Variants in GATA4 observed in about 807,000 individuals in gnomAD.
GATA4 encodes the protein GATA binding protein 4.
Under a neutral mutation model 37.9 loss-of-function variants are expected in GATA4, and 7 were observed. The ratio of observed to expected loss-of-function variants is 0.18; its 90% CI spans 0.11 to 0.35. The LOEUF (loss-of-function observed/expected upper bound fraction) is 0.35. Ranked by LOEUF, GATA4 falls within the 10% of genes least tolerant of loss-of-function variation. The pLI is 1.00. For synonymous variants in GATA4, 372 were observed against 292.6 expected, an observed-to-expected ratio of 1.27 and a Z score of -2.77; for missense variants, 647 against 653.0, an observed-to-expected ratio of 0.99 and a Z score of 0.10.
intron 2 of GATA4, 98 bp from the exon 3 acceptor site, chr8:11,748,818 C>T (rs1409689424): frequency 2.2e-6 from 3 of 1,377,194 alleles, no homozygotes; most frequent in Non-Finnish European, 1.0e-6. Flanking sequence ...AAGGAAAGGG[C>T]ATTGTTTCTG....
At chr8:11,677,604 T>A (rs1364321878) in intron 1 of GATA4, among the ~76,000 whole-genome samples, 2 of 152,218 alleles carry the variant, frequency 1.3e-5, no homozygotes, top group African/African-American at 4.8e-5. Flanking sequence ...ACCTGGCCCA[T>A]GTCAGACCCA....
At chr8:11,712,969 G>A (rs1800266382) in intron 2 of GATA4, among the ~76,000 whole-genome samples, 1 of 152,144 alleles carries the variant, frequency 6.6e-6, no homozygotes, top group South Asian at 2.1e-4. Flanking sequence ...TAATATATTT[G>A]TCACAATAGG....
chr8:11,724,412 T>C (rs1276862092), intron 2 of GATA4, among the ~76,000 whole-genome samples: 1 of 152,206 alleles, frequency 6.6e-6, no homozygotes, highest in Admixed American at 6.5e-5. Context: ...ACTGCACCAT[T>C]TTATATCCTT....
Position 11,693,157 on chromosome 8 carries a change from G to T in GATA4, c.-729+497G>T, listed in dbSNP as rs975789392. 49 of 876,518 alleles carry T rather than the reference G, an allele frequency of 5.6e-5. No homozygotes were observed. The Middle Eastern group carries it at 1.7e-3, about 31-fold the overall frequency. 54.3% of individuals were successfully genotyped at this position (876,518 alleles called of 1,614,324 possible). A position where few individuals can be genotyped will look rare whatever the true frequency, so the allele number is the denominator to read the frequency against. The stretch of plus-strand genomic sequence containing the variant: ...GGTGTTCATTTGTTCCTAAAGAGCT[G>T]TAAGGAAGCTTAGAAATGATTCGGC... On this transcript the variant is annotated intron_variant, in intron 1 of 2. Transcript: ENST00000526974.
chr8:11,690,679 G>C (rs1014677505), upstream of GATA4, among the ~76,000 whole-genome samples: 1 of 152,170 alleles, frequency 6.6e-6, no homozygotes, highest in African/African-American at 2.4e-5. Context: ...AGAACAGCCT[G>C]GTCAACATAG....
chr8:11,741,913 G>A (rs1801757576), intron 2 of GATA4, among the ~76,000 whole-genome samples: 1 of 152,226 alleles, frequency 6.6e-6, no homozygotes, highest in South Asian at 2.1e-4. Flanking sequence ...GGTCAGGGAT[G>A]GCCAAGGCAT....
At chr8:11,688,542 A>G (rs1314394155), upstream of GATA4, among the ~76,000 whole-genome samples, 5 of 152,098 alleles carry the variant, frequency 3.3e-5, no homozygotes, top group African/African-American at 1.2e-4. Context: ...ACACACACAC[A>G]CACACACACT....
intron 2 of GATA4, among the ~76,000 whole-genome samples, chr8:11,729,528 C>G (rs1011771585): frequency 6.7e-6 from 1 of 150,298 alleles, no homozygotes; most frequent in African/African-American, 2.4e-5. Context: ...TGCACTCCAG[C>G]CTGGGCAACA....
At chr8:11,684,637 C>T (rs574570519) in intron 1 of GATA4, among the ~76,000 whole-genome samples, 1 of 152,182 alleles carries the variant, frequency 6.6e-6, no homozygotes, top group Non-Finnish European at 1.5e-5. Flanking sequence ...AATTACTTAA[C>T]GCTTCTGTGT....
In GATA4 at chr8:11,708,992, C is replaced by A. The variant is rs369516948; in HGVS notation, c.616+64C>A. The A allele has an allele frequency of 2.7e-6, 4 of 1,460,218 alleles. No homozygotes were observed. Among genetic ancestry groups the A allele is most frequent in the Admixed American group, 2.4e-5 (1 of 40,852 alleles). The allele number at this position is 1,460,218 out of a possible 1,614,324, so 90.5% of individuals were successfully genotyped here. ...GGGCAGGGGCCGTCTTGAGCCCTGT[C>A]GAGGGCCTCTTGTTTTTCCACCAAC... On this transcript the variant is annotated intron_variant, in intron 2 of 6. Transcript: ENST00000532059. The surrounding 1 kb of genome is among the most constrained non-coding windows in gnomAD (Gnocchi z 6.7).
chr8:11,756,869 G>A (rs779068203), intron 5 of GATA4, 66 bp from the exon 6 acceptor site: 8 of 1,609,230 alleles, frequency 5.0e-6, no homozygotes, highest in East Asian at 2.2e-5. Flanking sequence ...CGGCTGTCTC[G>A]CAGGCTGCCG....
chr8:11,678,869 G>A (rs1175347148), intron 1 of GATA4, among the ~76,000 whole-genome samples: 2 of 151,776 alleles, frequency 1.3e-5, no homozygotes, highest in Non-Finnish European at 2.9e-5. Flanking sequence ...TCTCAAGTTC[G>A]ATTAGGGGGG....
intron 2 of GATA4, among the ~76,000 whole-genome samples, chr8:11,745,052 C>T (rs1563224565): frequency 1.3e-5 from 2 of 152,224 alleles, no homozygotes; most frequent in South Asian, 2.1e-4. Context: ...GATTAAATAG[C>T]AGATGCTCAG....
chr8:11,695,987 T>C (rs1585569930), intron 1 of GATA4, among the ~76,000 whole-genome samples: 1 of 152,284 alleles, frequency 6.6e-6, no homozygotes, highest in East Asian at 1.9e-4. Flanking sequence ...TCTAACATAT[T>C]TTAGATGGGA....
upstream of GATA4, among the ~76,000 whole-genome samples, chr8:11,702,835 G>C (rs561916441): frequency 6.6e-6 from 1 of 152,294 alleles, no homozygotes; most frequent in East Asian, 1.9e-4. The surrounding 1 kb of genome is among the most constrained non-coding windows in gnomAD (Gnocchi z 4.4). Context: ...TCCTCTGTTT[G>C]CGCCCCAGTG....
intron 6 of GATA4, among the ~76,000 whole-genome samples, chr8:11,757,530 C>A (rs1373114703): frequency 6.6e-6 from 1 of 152,224 alleles, no homozygotes; most frequent in African/African-American, 2.4e-5. Flanking sequence ...GGCAAGTCTG[C>A]CTCCTACGTG....
At chr8:11,743,689 G>C (rs1384236276) in intron 2 of GATA4, among the ~76,000 whole-genome samples, 2 of 152,232 alleles carry the variant, frequency 1.3e-5, no homozygotes, top group Non-Finnish European at 2.9e-5. Context: ...GAGCAGGTCA[G>C]AGGAGAGGAG....
At position 11,759,986 on chromosome 8, in the gene GATA4, A is replaced by G. The variant is rs866382867; in HGVS notation, c.*1511A>G. 2.6e-5 allele frequency: 4 copies of G among 152,652 alleles called. No individual in the cohort carries two copies. Among genetic ancestry groups the G allele is most frequent in the African/African-American group, 9.6e-5 (4 of 41,458 alleles). 9.5% of individuals were successfully genotyped at this position (152,652 alleles called of 1,614,324 possible). On this transcript the variant is annotated 3_prime_UTR_variant, in exon 7 of 7. Coordinates refer to ENST00000532059, the MANE Select transcript of GATA4 (RefSeq NM_001308093.3). ...AAATCAGTATTTAACTAATAAATTT[A>G]TCTGTATTCCTCTTTCCCTCGTCCC...
Position 11,708,531 on chromosome 8 carries a change from G to C in GATA4, c.219G>C (p.Gly73=), listed in dbSNP as rs1057052962. ...SGGASGGSSG[G]AASGAGPGTQ... is the part of the protein sequence containing the mutation. Reference sequence around the variant, plus strand: ...GCGCCTCGGGCGGCAGCTCCGGTGGGGCCGCGTCTGGTGCGGGGCCCGGGA... The same window carrying C: ...GCGCCTCGGGCGGCAGCTCCGGTGGCGCCGCGTCTGGTGCGGGGCCCGGGA... Residue 73 remains glycine (G), a synonymous_variant, in exon 2 of 7, where the codon GGG becomes GGC. Transcript: ENST00000532059. The surrounding 1 kb of genome is among the most constrained non-coding windows in gnomAD (Gnocchi z 6.7). 1 of 1,445,748 alleles carries C rather than the reference G, an allele frequency of 6.9e-7. No homozygotes were observed. The highest frequency in any genetic ancestry group is 9.0e-7 in the Non-Finnish European group (1 of 1,106,824). The allele number at this position is 1,445,748 out of a possible 1,614,324, so 89.6% of individuals were successfully genotyped here.
Sources: gnomAD v4.1 joint callset for allele counts (sites outside exome capture counted in the v4.1 genomes callset) on GRCh38, gnomAD v4.1.1 for gene constraint, Gnocchi (gnomAD v3.1) non-coding constraint, MANE v1.5 for transcripts, NCBI Gene and HGNC (gene_info 2026-07-23, HGNC 2026-07-21) for gene names.